SOX6: variants seen among roughly 807,000 people sequenced by gnomAD.
SOX6 encodes SRY-box transcription factor 6, also known as transcription factor SOX-6.
A neutral mutation model predicts 97.8 loss-of-function variants in SOX6; 11 were observed. The ratio of observed to expected loss-of-function variants is 0.11; its 90% confidence interval spans 0.07 to 0.19. The LOEUF (loss-of-function observed/expected upper bound fraction) is 0.19. SOX6 is among the 10% of genes least tolerant of loss of function. The probability of loss-of-function intolerance (pLI) is 1.00; values close to 1 mark genes in which losing one functional copy is unlikely to be tolerated. For synonymous variants in SOX6, 360 were observed against 371.4 expected (o/e 0.97, Z 0.35); for missense variants, 810 against 1,039.5 (o/e 0.78, Z 3.04).
intron 1 of SOX6, among the ~76,000 whole-genome samples, chr11:16,462,415 T>C (rs1299116929): frequency 1.3e-5 from 2 of 152,212 alleles, no homozygotes; most frequent in African/African-American, 4.8e-5. Context: ...ATCTATTCAA[T>C]ATATCTGGGA....
intron 3 of SOX6, among the ~76,000 whole-genome samples, chr11:16,284,546 T>C (rs1854675634): frequency 6.6e-6 from 1 of 152,126 alleles, no homozygotes; most frequent in African/African-American, 2.4e-5. Flanking sequence ...CAACAGATAT[T>C]TATTGATCGC....
chr11:16,465,748 G>C (rs764349311), intron 1 of SOX6: 7 of 152,116 alleles, frequency 4.6e-5, no homozygotes, highest in Non-Finnish European at 8.8e-5. Flanking sequence ...GCCCAGAGGT[G>C]AAATAAAAAT....
At chr11:16,687,172 A>T (rs139876478) in intron 3 of SOX6, among the ~76,000 whole-genome samples, 28 of 152,336 alleles carry the variant, frequency 1.8e-4, no homozygotes, top group African/African-American at 5.3e-4. Context: ...TTAAAAAGAA[A>T]GGTTTGCTTG....
At chr11:16,561,660 G>A (rs1363596444) in intron 4 of SOX6, among the ~76,000 whole-genome samples, 1 of 152,104 alleles carries the variant, frequency 6.6e-6, no homozygotes, top group Non-Finnish European at 1.5e-5. Context: ...TCAATGTATG[G>A]TCATGAAACC....
intron 3 of SOX6, among the ~76,000 whole-genome samples, chr11:16,240,681 C>T (rs1335474043): frequency 6.6e-6 from 1 of 151,844 alleles, no homozygotes; most frequent in Non-Finnish European, 1.5e-5. Flanking sequence ...GTTATCAATG[C>T]CAATCTAGAA....
intron 12 of SOX6, among the ~76,000 whole-genome samples, chr11:16,041,769 T>C (rs767136214): frequency 7.9e-5 from 12 of 152,182 alleles, no homozygotes; most frequent in Middle Eastern, 3.2e-3. Context: ...TTTAGCCAGA[T>C]CCTAGCAGGT....
chr11:16,245,675 A>G (rs1282337320), intron 3 of SOX6, among the ~76,000 whole-genome samples: 1 of 151,684 alleles, frequency 6.6e-6, no homozygotes, highest in Non-Finnish European at 1.5e-5. Context: ...TGAACCTTTA[A>G]TCATTATGAA....
chr11:16,097,781 A>G, intron 7 of SOX6, 93 bp from the exon 8 acceptor site: 1 of 1,168,636 alleles, frequency 8.6e-7, no homozygotes, highest in South Asian at 1.2e-5. Flanking sequence ...CCTGAGCTTT[A>G]CAACATTGCT....
At chr11:16,540,195 C>T (rs1298018039) in intron 4 of SOX6, among the ~76,000 whole-genome samples, 2 of 152,094 alleles carry the variant, frequency 1.3e-5, no homozygotes, top group Admixed American at 1.3e-4. Flanking sequence ...TAATCCATGA[C>T]ATAAACAGAA....
intron 15 of SOX6, among the ~76,000 whole-genome samples, chr11:15,980,749 T>C (rs1159562132): frequency 2.6e-5 from 4 of 152,092 alleles, no homozygotes; most frequent in Non-Finnish European, 5.9e-5. Context: ...TCCTCAAGAA[T>C]GTCCCATGCT....
intron 2 of SOX6, among the ~76,000 whole-genome samples, chr11:16,717,532 T>G (rs1296985374): frequency 3.3e-5 from 5 of 152,154 alleles, no homozygotes; most frequent in Non-Finnish European, 7.4e-5. Context: ...AAAATCATTC[T>G]TGGCTGTTTG....
intron 13 of SOX6, among the ~76,000 whole-genome samples, chr11:16,001,858 G>C (rs1300312929): frequency 6.6e-6 from 1 of 152,058 alleles, no homozygotes; most frequent in Non-Finnish European, 1.5e-5. Flanking sequence ...TTTTCTATTA[G>C]AAACTCCATT....
intron 13 of SOX6, among the ~76,000 whole-genome samples, chr11:16,013,354 C>T (rs530045036): frequency 6.6e-6 from 1 of 152,142 alleles, no homozygotes; most frequent in East Asian, 1.9e-4. Context: ...TGAAACACTT[C>T]CACACAGGCT....
At chr11:16,335,855 C>A (rs1414251119) in intron 2 of SOX6, among the ~76,000 whole-genome samples, 2 of 152,154 alleles carry the variant, frequency 1.3e-5, no homozygotes, top group African/African-American at 4.8e-5. Flanking sequence ...TGTTTGCAAG[C>A]AAGAAGGTGT....
intron 3 of SOX6, among the ~76,000 whole-genome samples, chr11:16,236,684 A>G (rs1565038725): frequency 6.6e-6 from 1 of 152,010 alleles, no homozygotes; most frequent in Non-Finnish European, 1.5e-5. Context: ...GCAAGTCCAT[A>G]TACTAGGATT....
chr11:16,398,527 G>A (rs769959153), intron 1 of SOX6, among the ~76,000 whole-genome samples: 1 of 151,334 alleles, frequency 6.6e-6, no homozygotes, highest in Non-Finnish European at 1.5e-5. Context: ...TTAGCTAAAC[G>A]GTTGGACAAT....
intron 3 of SOX6, among the ~76,000 whole-genome samples, chr11:16,641,777 C>T (rs11606082): frequency 0.34 from 51,109 of 151,808 alleles, 9,349 homozygotes; most frequent in Non-Finnish European, 0.42. Context: ...TCCTCCATCC[C>T]TTTATTTTGA....
intron 13 of SOX6, among the ~76,000 whole-genome samples, chr11:16,010,146 AC>A (rs2133856672): frequency 6.6e-6 from 1 of 151,504 alleles, no homozygotes; most frequent in South Asian, 2.1e-4. Flanking sequence ...ACACACACAC[AC>A]ACACACACAC....
intron 4 of SOX6, among the ~76,000 whole-genome samples, chr11:16,226,595 G>A (rs1852696369): frequency 6.6e-6 from 1 of 152,182 alleles, no homozygotes; most frequent in Non-Finnish European, 1.5e-5. Context: ...ACATCATGTA[G>A]TATGTCACCA....
Sources: gnomAD v4.1 joint callset for allele counts (sites outside exome capture counted in the v4.1 genomes callset) on GRCh38, gnomAD v4.1.1 for gene constraint, MANE v1.5 for transcripts, NCBI Gene and HGNC (gene_info 2026-07-23, HGNC 2026-07-21) for gene names.